SRGAP2C: variants seen among roughly 807,000 people sequenced by gnomAD.
SRGAP2C encodes SLIT-ROBO Rho GTPase-activating protein 2C.
In SRGAP2C, 15 loss-of-function variants were observed where a neutral mutation model predicts 25.1. The observed-to-expected ratio is 0.60, with a 90% CI of 0.40 to 0.92. SRGAP2C has a LOEUF of 0.92. SRGAP2C is among the 40% of genes least tolerant of loss of function. SRGAP2C has a pLI of 0.00. For synonymous variants in SRGAP2C, 44 were observed against 96.6 expected, an observed-to-expected ratio of 0.46 and a Z score of 3.19; for missense variants, 144 against 264.4, an observed-to-expected ratio of 0.54 and a Z score of 3.16.
At chr1:121,260,351 T>C (rs1656597473) in intron 2 of SRGAP2C, among the ~76,000 whole-genome samples, 1 of 151,818 alleles carries the variant, frequency 6.6e-6, no homozygotes, top group Non-Finnish European at 1.5e-5. Context: ...GGCTCAAGTG[T>C]GCTTGGTGTA....
At chr1:121,360,943 T>A (rs1659177748) in intron 4 of SRGAP2C, 1 of 138,982 alleles carries the variant, frequency 7.2e-6, no homozygotes, top group Admixed American at 7.3e-5. Flanking sequence ...CCTTGAAAAC[T>A]GGATTCTTTT....
chr1:121,223,402 C>T, intron 2 of SRGAP2C, among the ~76,000 whole-genome samples: 1 of 74,242 alleles, frequency 1.3e-5, no homozygotes, highest in African/African-American at 5.5e-5. Context: ...TGTGTTTTAT[C>T]TCCTTCAACT....
intron 3 of SRGAP2C, among the ~76,000 whole-genome samples, chr1:121,320,896 G>C (rs1553341065): frequency 5.3e-5 from 8 of 152,054 alleles, no homozygotes; most frequent in African/African-American, 9.7e-5. Flanking sequence ...ACCCAACCAC[G>C]GTCTAACATA....
chr1:121,212,123 ATTTTTTTTTTTTT>A (rs60785126), intron 2 of SRGAP2C, among the ~76,000 whole-genome samples: 5 of 61,976 alleles, frequency 8.1e-5, no homozygotes, highest in African/African-American at 4.1e-4. Context: ...ATGGAGCTGT[ATTTTTTTTTTTTT>A]TTTTTTTTTT....
intron 3 of SRGAP2C, among the ~76,000 whole-genome samples, chr1:121,288,853 T>C (rs1257861970): frequency 1.7e-3 from 105 of 61,940 alleles, no homozygotes; most frequent in Middle Eastern, 7.7e-3. Flanking sequence ...GATTGGTGTA[T>C]TTACAGTCCT....
intron 2 of SRGAP2C, among the ~76,000 whole-genome samples, chr1:121,261,092 C>CAAT (rs1656621847): frequency 4.3e-5 from 1 of 23,504 alleles, no homozygotes. Flanking sequence ...CCACACCTGG[C>CAAT]TATTTTTTTT....
chr1:121,239,019 A>T (rs1233683041), intron 2 of SRGAP2C, among the ~76,000 whole-genome samples: 1 of 130,356 alleles, frequency 7.7e-6, no homozygotes, highest in Non-Finnish European at 1.6e-5. Flanking sequence ...GACTAGAGGC[A>T]ATAACAGTTT....
At chr1:121,280,674 AGGGAATTCTTTTGTACCCC>A (rs1657221750) in intron 2 of SRGAP2C, among the ~76,000 whole-genome samples, 1 of 148,520 alleles carries the variant, frequency 6.7e-6, no homozygotes, top group Non-Finnish European at 1.5e-5. Flanking sequence ...GTGAATAGCC[AGGGAATTCTTTTGTACCCC>A]TAAGATATAG....
intron 2 of SRGAP2C, among the ~76,000 whole-genome samples, chr1:121,196,782 C>A (rs1430418708): frequency 9.0e-6 from 1 of 111,634 alleles, no homozygotes; most frequent in African/African-American, 3.6e-5. Context: ...GGAAACGTGT[C>A]TGGAAGACTA....
At chr1:121,346,651 G>A (rs1439419008) in intron 4 of SRGAP2C, among the ~76,000 whole-genome samples, 3 of 152,194 alleles carry the variant, frequency 2.0e-5, no homozygotes, top group African/African-American at 7.2e-5. Context: ...AATCTATAGA[G>A]GGTACACCCC....
chr1:121,287,748 C>T (rs1657402426), intron 3 of SRGAP2C, among the ~76,000 whole-genome samples: 2 of 152,104 alleles, frequency 1.3e-5, no homozygotes, highest in Non-Finnish European at 1.5e-5. Flanking sequence ...GAGTCTGTCC[C>T]TTCTGATGTT....
intron 2 of SRGAP2C, among the ~76,000 whole-genome samples, chr1:121,249,601 ATTATAC>A (rs1428215069): frequency 2.0e-5 from 1 of 49,966 alleles, no homozygotes; most frequent in Non-Finnish European, 4.1e-5. Flanking sequence ...TTTTTTTTAA[ATTATAC>A]TTTAAGTTCT....
At chr1:121,212,280 G>A (rs1360499465) in intron 2 of SRGAP2C, among the ~76,000 whole-genome samples, 13 of 142,830 alleles carry the variant, frequency 9.1e-5, no homozygotes, top group South Asian at 2.3e-4. Flanking sequence ...ACAGGCGCCC[G>A]CCACCACGCT....
intron 4 of SRGAP2C, among the ~76,000 whole-genome samples, chr1:121,357,561 T>C (rs1202003292): frequency 2.6e-5 from 4 of 151,278 alleles, no homozygotes; most frequent in Admixed American, 2.0e-4. Flanking sequence ...TCAGGAAAGC[T>C]GAATTATTTC....
At chr1:121,282,559 T>G (rs1657270975) in intron 2 of SRGAP2C, among the ~76,000 whole-genome samples, 2 of 151,548 alleles carry the variant, frequency 1.3e-5, no homozygotes, top group South Asian at 2.1e-4. Context: ...GGTTCTTTTT[T>G]TTGTTGTTTG....
chr1:121,268,305 A>G (rs1375107224), intron 2 of SRGAP2C, among the ~76,000 whole-genome samples: 1 of 150,896 alleles, frequency 6.6e-6, no homozygotes, highest in Non-Finnish European at 1.5e-5. Flanking sequence ...AGGGAAGCAT[A>G]TGCAAAGGCC....
chr1:121,262,475 GATCTACAC>G, intron 2 of SRGAP2C, among the ~76,000 whole-genome samples: 1 of 69,906 alleles, frequency 1.4e-5, no homozygotes, highest in South Asian at 3.4e-4. Context: ...GCTGACCCAG[GATCTACAC>G]ATAGTTAACT....
intron 5 of SRGAP2C, among the ~76,000 whole-genome samples, chr1:121,371,119 TG>T (rs1553350982): frequency 6.7e-6 from 1 of 149,620 alleles, no homozygotes; most frequent in African/African-American, 2.5e-5. Flanking sequence ...AGTTTGCATT[TG>T]CCTATCTATA....
At chr1:121,305,933 CTCTT>C (rs1657818557) in intron 3 of SRGAP2C, among the ~76,000 whole-genome samples, 2 of 152,100 alleles carry the variant, frequency 1.3e-5, no homozygotes, top group Non-Finnish European at 2.9e-5. Flanking sequence ...CTCATTTTTA[CTCTT>C]TCTATGTACT....
Sources: allele counts gnomAD v4.1 joint callset (sites outside exome capture counted in the v4.1 genomes callset), GRCh38; gene constraint gnomAD v4.1.1; transcripts MANE v1.5; gene names NCBI Gene and HGNC (gene_info 2026-07-23, HGNC 2026-07-21).